The following GLI3 variants were observed in gnomAD, a reference collection of about 807,000 sequenced individuals.
GLI3 encodes GLI family zinc finger 3.
GLI3 carries 20 observed loss-of-function variants against 100.8 expected under a neutral mutation model. The ratio of observed to expected loss-of-function variants is 0.20; its 90% CI spans 0.14 to 0.29. The LOEUF is 0.29. Among genes scored for constraint, GLI3 ranks in the 10% least tolerant of loss-of-function variants. The pLI is 1.00. For synonymous variants in GLI3, 938 were observed against 860.5 expected (o/e 1.09, Z -1.58); for missense variants, 2,040 against 2,128.5 (o/e 0.96, Z 0.82).
intron 10 of GLI3, among the ~76,000 whole-genome samples, chr7:42,022,430 G>A (rs1788969799): frequency 6.6e-6 from 1 of 151,902 alleles, no homozygotes; most frequent in African/African-American, 2.4e-5. Context: ...AACATGAATT[G>A]CCTAAAAATA....
intron 2 of GLI3, among the ~76,000 whole-genome samples, chr7:42,197,562 G>A (rs758668764): frequency 6.6e-5 from 10 of 152,208 alleles, no homozygotes; most frequent in South Asian, 2.1e-4. Flanking sequence ...TCTTCATTAC[G>A]TAACTTGAAA....
intron 4 of GLI3, among the ~76,000 whole-genome samples, chr7:42,062,301 CTT>C (rs1253787050): frequency 1.3e-5 from 2 of 152,324 alleles, no homozygotes; most frequent in East Asian, 3.9e-4. Context: ...CTTGAATACA[CTT>C]TTGTTTAAAA....
intron 1 of GLI3, among the ~76,000 whole-genome samples, chr7:42,249,424 C>T (rs1789008419): frequency 6.6e-6 from 1 of 152,140 alleles, no homozygotes; most frequent in South Asian, 2.1e-4. Context: ...TCATCCTAAG[C>T]TTGTCACCTT....
chr7:42,127,122 C>T (rs973376954), intron 3 of GLI3, among the ~76,000 whole-genome samples: 2 of 152,216 alleles, frequency 1.3e-5, no homozygotes, highest in African/African-American at 4.8e-5. Context: ...GAATGACAGC[C>T]TATCTTCCCA....
At chr7:42,108,527 G>A (rs1341115277) in intron 3 of GLI3, among the ~76,000 whole-genome samples, 1 of 152,136 alleles carries the variant, frequency 6.6e-6, no homozygotes, top group Non-Finnish European at 1.5e-5. Context: ...ATGTGTTCAA[G>A]TTTAGCCCCT....
chr7:42,159,790 A>G (rs143578538), intron 2 of GLI3, among the ~76,000 whole-genome samples: 55 of 152,356 alleles, frequency 3.6e-4, no homozygotes, highest in African/African-American at 1.3e-3. Flanking sequence ...ATTTCATTCA[A>G]CCTTTTACAG....
rs781588154 is a variant in GLI3 at position 41,965,519 on chromosome 7, A to C, written c.3554T>G (p.Val1185Gly). 1.1e-5 allele frequency: 17 copies of C among 1,606,140 alleles called. No individual in the cohort carries two copies. Among genetic ancestry groups the C allele is most frequent in the South Asian group, 2.2e-5 (2 of 90,942 alleles). The change falls in exon 15 of 15, where the codon GTG becomes GGG. Residue 1185 changes from valine (V) to glycine (G), a missense_variant. Coordinates refer to ENST00000395925, the MANE Select transcript of GLI3 (RefSeq NM_000168.6). ...GAACCCAAAGGCGCGAGTCTGCGGC[A>C]CAGCGGGCCGCGGCCCACACTTGAG... The part of the protein sequence containing the change: ...SKLKCGPRPA[V>G]PQTRAFGFCN...
At chr7:42,241,141 A>G (rs1788920516), upstream of GLI3, among the ~76,000 whole-genome samples, 1 of 152,186 alleles carries the variant, frequency 6.6e-6, no homozygotes, top group South Asian at 2.1e-4. Flanking sequence ...TTTAGGCAAA[A>G]CAGGATCTAG....
At chr7:42,132,934 A>C (rs1786330315) in intron 3 of GLI3, among the ~76,000 whole-genome samples, 1 of 152,114 alleles carries the variant, frequency 6.6e-6, no homozygotes, top group Non-Finnish European at 1.5e-5. Context: ...AAACACAAGT[A>C]ATCTTCACCT....
chr7:42,097,741 T>C (rs1785371259), intron 3 of GLI3, among the ~76,000 whole-genome samples: 1 of 152,220 alleles, frequency 6.6e-6, no homozygotes, highest in Admixed American at 6.5e-5. Context: ...AAACGTGTAA[T>C]TCTGCAGAAC....
intron 2 of GLI3, among the ~76,000 whole-genome samples, chr7:42,170,088 A>G (rs1787333819): frequency 6.6e-6 from 1 of 151,352 alleles, no homozygotes; most frequent in Non-Finnish European, 1.5e-5. Context: ...TGCCTCTACT[A>G]AAAATACAAA....
At chr7:42,003,248 A>C (rs1382983556) in intron 10 of GLI3, among the ~76,000 whole-genome samples, 1 of 152,244 alleles carries the variant, frequency 6.6e-6, no homozygotes, top group Admixed American at 6.5e-5. Flanking sequence ...GAATGTTATA[A>C]TCTCGAAGTG....
chr7:41,970,259 T>C (rs1034766486), intron 13 of GLI3, among the ~76,000 whole-genome samples: 1 of 152,140 alleles, frequency 6.6e-6, no homozygotes, highest in Non-Finnish European at 1.5e-5. Context: ...ATTTAATTTA[T>C]AGCATGATGA....
At chr7:42,083,213 C>G (rs1785033323) in intron 3 of GLI3, among the ~76,000 whole-genome samples, 2 of 152,196 alleles carry the variant, frequency 1.3e-5, no homozygotes, top group African/African-American at 2.4e-5. Context: ...TTCCTAGCCT[C>G]TGGTAACCAT....
intron 2 of GLI3, among the ~76,000 whole-genome samples, chr7:42,155,422 A>G (rs1417293573): frequency 6.6e-6 from 1 of 151,114 alleles, no homozygotes. Flanking sequence ...CTGGACAACA[A>G]GAGTGAAACT....
intron 3 of GLI3, among the ~76,000 whole-genome samples, chr7:42,141,947 A>T (rs1178586495): frequency 6.6e-6 from 1 of 152,120 alleles, no homozygotes. Context: ...TCTCTGCCCT[A>T]TGGTGGCACG....
At chr7:41,976,887 G>A (rs1465167736) in intron 12 of GLI3, among the ~76,000 whole-genome samples, 3 of 152,160 alleles carry the variant, frequency 2.0e-5, no homozygotes, top group Non-Finnish European at 4.4e-5. Context: ...TTATTCTTAT[G>A]CCTCTCTACA....
At chr7:42,179,034 A>G (rs1337429273) in intron 2 of GLI3, among the ~76,000 whole-genome samples, 2 of 152,152 alleles carry the variant, frequency 1.3e-5, no homozygotes, top group Non-Finnish European at 2.9e-5. Flanking sequence ...CTGTGTCTCC[A>G]CCTAAATCTC....
At chr7:42,182,644 G>GTATATATA (rs764864618) in intron 2 of GLI3, among the ~76,000 whole-genome samples, 1,704 of 51,162 alleles carry the variant, frequency 0.033, 35 homozygotes, top group South Asian at 0.043. Context: ...ATATGTGTGT[G>GTATATATA]TATATATATA....
Sources: allele counts gnomAD v4.1 joint callset (sites outside exome capture counted in the v4.1 genomes callset), GRCh38; gene constraint gnomAD v4.1.1; transcripts MANE v1.5; gene names NCBI Gene and HGNC (gene_info 2026-07-23, HGNC 2026-07-21).